The following DNM3 variants were observed in gnomAD, a reference collection of about 807,000 sequenced individuals.
DNM3 encodes the protein dynamin 3.
A neutral mutation model predicts 101.6 loss-of-function variants in DNM3; 47 were observed. The ratio of observed to expected loss-of-function variants is 0.46; its 90% CI spans 0.37 to 0.59. The LOEUF (loss-of-function observed/expected upper bound fraction) is 0.59, where lower values mean the gene tolerates loss of function less well. Among genes scored for constraint, DNM3 ranks in the 20% least tolerant of loss-of-function variants. The probability of loss-of-function intolerance (pLI) is 0.00; values close to 1 mark genes in which losing one functional copy is unlikely to be tolerated. For synonymous variants in DNM3, 385 were observed against 387.9 expected (o/e 0.99, Z 0.09); for missense variants, 849 against 1,085.7 (o/e 0.78, Z 3.06).
intron 14 of DNM3, among the ~76,000 whole-genome samples, chr1:172,192,784 C>T (rs1436905860): frequency 6.6e-6 from 1 of 151,588 alleles, no homozygotes; most frequent in Non-Finnish European, 1.5e-5. Context: ...CATTGTTGGA[C>T]ATTTGGGTTG....
intron 16 of DNM3, among the ~76,000 whole-genome samples, chr1:172,313,969 C>A (rs1331322502): frequency 6.6e-6 from 1 of 150,728 alleles, no homozygotes; most frequent in East Asian, 1.9e-4. Context: ...CCGACAGGCC[C>A]CAGTGTGTGA....
At chr1:172,077,467 T>C (rs1572404907) in intron 11 of DNM3, among the ~76,000 whole-genome samples, 1 of 152,336 alleles carries the variant, frequency 6.6e-6, no homozygotes, top group East Asian at 1.9e-4. Context: ...TAAATTTCCC[T>C]GTAAACACTG....
At position 172,044,463 on chromosome 1, in the gene DNM3, C is replaced by A; in HGVS notation, c.1196+11C>A. The A allele has an allele frequency of 6.3e-7, 1 of 1,598,482 alleles. No homozygotes were observed. The highest frequency in any genetic ancestry group is 8.5e-7 in the Non-Finnish European group (1 of 1,172,502). On this transcript the variant is annotated intron_variant, in intron 9 of 20. Transcript: ENST00000627582. ...CATACATGGTATCAGGCAAGTGATTCACATTTTTCTTGTCATCTGTTCAAG... is the reference window on the plus strand; with the variant it reads ...CATACATGGTATCAGGCAAGTGATTAACATTTTTCTTGTCATCTGTTCAAG...
At chr1:172,075,399 C>T (rs2052570384) in intron 11 of DNM3, among the ~76,000 whole-genome samples, 1 of 152,158 alleles carries the variant, frequency 6.6e-6, no homozygotes, top group African/African-American at 2.4e-5. Flanking sequence ...TGCCTATGTC[C>T]TGAATGGTAT....
intron 4 of DNM3, among the ~76,000 whole-genome samples, chr1:172,008,760 T>C (rs1414474806): frequency 2.8e-5 from 4 of 142,634 alleles, no homozygotes; most frequent in Non-Finnish European, 4.5e-5. Flanking sequence ...TGTATGTTTA[T>C]GCATATGTTA....
At chr1:172,272,222 A>G (rs1220391266) in intron 15 of DNM3, among the ~76,000 whole-genome samples, 1 of 152,108 alleles carries the variant, frequency 6.6e-6, no homozygotes, top group African/African-American at 2.4e-5. Flanking sequence ...TGTGACATGG[A>G]ATATTAAAAT....
chr1:171,945,860 A>G (rs1372778906), intron 2 of DNM3, among the ~76,000 whole-genome samples: 6 of 152,142 alleles, frequency 3.9e-5, no homozygotes, highest in East Asian at 3.9e-4. Context: ...AGTGATACAT[A>G]TGGAAAGTGG....
chr1:172,304,293 C>T (rs2064662256), intron 15 of DNM3, among the ~76,000 whole-genome samples: 4 of 146,048 alleles, frequency 2.7e-5, no homozygotes, highest in Non-Finnish European at 5.9e-5. Context: ...ACAAAGAAGG[C>T]CATTACATAA....
chr1:172,202,827 G>C (rs1197155373), intron 14 of DNM3, among the ~76,000 whole-genome samples: 1 of 152,078 alleles, frequency 6.6e-6, no homozygotes, highest in African/African-American at 2.4e-5. Context: ...TTTTAATGTT[G>C]GACTGTAGAC....
chr1:171,889,010 C>T (rs2037021103), intron 1 of DNM3, among the ~76,000 whole-genome samples: 2 of 151,846 alleles, frequency 1.3e-5, no homozygotes, highest in Admixed American at 6.6e-5. Flanking sequence ...GGGCCTCTCT[C>T]TGTCTCTCAC....
At chr1:172,295,043 T>C (rs1212421351) in intron 15 of DNM3, among the ~76,000 whole-genome samples, 1 of 152,068 alleles carries the variant, frequency 6.6e-6, no homozygotes, top group Non-Finnish European at 1.5e-5. Context: ...AAAGTAGAGA[T>C]GTCAGTCAAC....
intron 10 of DNM3, among the ~76,000 whole-genome samples, chr1:172,063,392 A>G (rs924169984): frequency 2.0e-5 from 3 of 151,872 alleles, no homozygotes; most frequent in Non-Finnish European, 4.4e-5. Flanking sequence ...CTCTAGGAAA[A>G]TGTGATCCAT....
intron 14 of DNM3, among the ~76,000 whole-genome samples, chr1:172,235,181 G>A (rs2061491088): frequency 6.6e-6 from 1 of 152,182 alleles, no homozygotes; most frequent in Non-Finnish European, 1.5e-5. Context: ...CAACAAGTGG[G>A]CAAAGGATAT....
At chr1:172,070,331 C>G (rs763417853) in intron 11 of DNM3, among the ~76,000 whole-genome samples, 1 of 152,036 alleles carries the variant, frequency 6.6e-6, no homozygotes, top group East Asian at 1.9e-4. Flanking sequence ...ATGTCTTGGC[C>G]CCTCCTGGGC....
intron 14 of DNM3, among the ~76,000 whole-genome samples, chr1:172,182,168 G>C (rs952966758): frequency 1.3e-5 from 2 of 151,054 alleles, no homozygotes; most frequent in Admixed American, 1.3e-4. Flanking sequence ...AAAAAAATGT[G>C]ACAACATTTT....
chr1:172,148,868 G>A (rs1217429484), intron 14 of DNM3, among the ~76,000 whole-genome samples: 2 of 152,020 alleles, frequency 1.3e-5, no homozygotes, highest in Non-Finnish European at 1.5e-5. Flanking sequence ...TTGTAGCAGA[G>A]CATTCCACTT....
chr1:172,144,830 G>A, intron 14 of DNM3: 2 of 327,078 alleles, frequency 6.1e-6, no homozygotes, highest in South Asian at 5.0e-5. Context: ...TTAGGACCAG[G>A]AAAAGGGGGA....
intron 4 of DNM3, among the ~76,000 whole-genome samples, chr1:171,990,241 G>A (rs576737513): frequency 1.3e-5 from 2 of 152,188 alleles, no homozygotes; most frequent in East Asian, 3.9e-4. Flanking sequence ...TTTGATGTTA[G>A]AGACCTTTTT....
intron 10 of DNM3, among the ~76,000 whole-genome samples, chr1:172,066,649 A>G (rs537459853): frequency 2.6e-4 from 39 of 152,342 alleles, no homozygotes; most frequent in African/African-American, 8.4e-4. Flanking sequence ...GAAATATCCA[A>G]ACCAAAACAT....
Sources: allele counts gnomAD v4.1 joint callset (sites outside exome capture counted in the v4.1 genomes callset), GRCh38; gene constraint gnomAD v4.1.1; transcripts MANE v1.5; gene names NCBI Gene and HGNC (gene_info 2026-07-23, HGNC 2026-07-21).